CCNY: variants seen among roughly 807,000 people sequenced by gnomAD.
The protein encoded by CCNY is cyclin Y.
In CCNY, 19 loss-of-function variants were observed where a neutral mutation model predicts 42.8. That is an observed-to-expected ratio of 0.44 (90% CI 0.31 to 0.65). CCNY has a LOEUF of 0.65. Among genes scored for constraint, CCNY ranks in the 30% least tolerant of loss-of-function variants. The pLI, the probability that CCNY is intolerant of heterozygous loss-of-function variation, is 0.07. For synonymous variants in CCNY, 165 were observed against 162.7 expected, an observed-to-expected ratio of 1.01 and a Z score of -0.11; for missense variants, 370 against 437.3, an observed-to-expected ratio of 0.85 and a Z score of 1.37.
intron 1 of CCNY, among the ~76,000 whole-genome samples, chr10:35,351,638 T>G (rs1428406894): frequency 6.6e-6 from 1 of 152,254 alleles, no homozygotes; most frequent in Non-Finnish European, 1.5e-5. Context: ...AACAGGGATA[T>G]ATTTCTGAAA....
intron 8 of CCNY, among the ~76,000 whole-genome samples, chr10:35,557,111 A>AT (rs1409620773): frequency 6.6e-6 from 1 of 152,058 alleles, no homozygotes; most frequent in Non-Finnish European, 1.5e-5. Context: ...CTTAATTTGA[A>AT]AATTTTTATC....
intron 1 of CCNY, among the ~76,000 whole-genome samples, chr10:35,350,778 C>T (rs1836413237): frequency 6.6e-6 from 1 of 152,188 alleles, no homozygotes; most frequent in African/African-American, 2.4e-5. Context: ...AGGTGCACTG[C>T]TGCTGGATTG....
chr10:35,281,934 T>G (rs1208672661), intron 3 of CCNY, among the ~76,000 whole-genome samples: 1 of 152,170 alleles, frequency 6.6e-6, no homozygotes, highest in Non-Finnish European at 1.5e-5. Flanking sequence ...TCTGCATATT[T>G]CTTAATCTCA....
At chr10:35,305,891 T>C (rs925492764) in intron 3 of CCNY, among the ~76,000 whole-genome samples, 2 of 152,192 alleles carry the variant, frequency 1.3e-5, no homozygotes, top group African/African-American at 4.8e-5. Context: ...CAGATATGCT[T>C]GGGATCATTA....
At chr10:35,493,003 A>G (rs1301496676) in intron 2 of CCNY, among the ~76,000 whole-genome samples, 2 of 149,518 alleles carry the variant, frequency 1.3e-5, no homozygotes, top group African/African-American at 2.5e-5. Context: ...TGGGGGGGGG[A>G]GGGCAGGTAT....
At chr10:35,538,821 C>T (rs1190992335) in intron 7 of CCNY, among the ~76,000 whole-genome samples, 1 of 152,122 alleles carries the variant, frequency 6.6e-6, no homozygotes, top group Non-Finnish European at 1.5e-5. Context: ...CAATGTATTT[C>T]TTTTGTCACT....
chr10:35,342,551 T>G (rs1836205311), intron 1 of CCNY, among the ~76,000 whole-genome samples: 2 of 152,246 alleles, frequency 1.3e-5, no homozygotes, highest in Non-Finnish European at 2.9e-5. Flanking sequence ...GGGAGTCGTT[T>G]GCTTCCACAC....
intron 1 of CCNY, among the ~76,000 whole-genome samples, chr10:35,338,573 C>T (rs1464760412): frequency 3.9e-5 from 6 of 152,194 alleles, no homozygotes; most frequent in Non-Finnish European, 8.8e-5. Context: ...ATCACTTTCA[C>T]AGCCTCTAGC....
At chr10:35,531,122 C>T (rs1049571896) in intron 7 of CCNY, among the ~76,000 whole-genome samples, 8 of 152,196 alleles carry the variant, frequency 5.3e-5, no homozygotes, top group African/African-American at 1.7e-4. Flanking sequence ...CTATTTAGGT[C>T]AAATCTCACT....
At chr10:35,406,846 G>T (rs1837786648) in intron 1 of CCNY, among the ~76,000 whole-genome samples, 1 of 151,792 alleles carries the variant, frequency 6.6e-6, no homozygotes, top group Non-Finnish European at 1.5e-5. Flanking sequence ...GGGGCGGCTG[G>T]CCGGGCGGGG....
intron 3 of CCNY, among the ~76,000 whole-genome samples, chr10:35,292,505 C>T (rs1022016205): frequency 1.3e-5 from 2 of 152,026 alleles, no homozygotes; most frequent in African/African-American, 2.4e-5. Context: ...GGATTACAGG[C>T]GTGCACTACC....
At chr10:35,356,113 T>G (rs1043979071) in intron 1 of CCNY, among the ~76,000 whole-genome samples, 11 of 152,224 alleles carry the variant, frequency 7.2e-5, no homozygotes, top group Admixed American at 2.6e-4. Flanking sequence ...ACACTCTGGC[T>G]TAGCTGCAAG....
chr10:35,497,566 T>C (rs1466771559), intron 2 of CCNY, among the ~76,000 whole-genome samples: 1 of 151,950 alleles, frequency 6.6e-6, no homozygotes, highest in Non-Finnish European at 1.5e-5. Context: ...GGCAAAACCC[T>C]GTCTCTACTA....
At chr10:35,474,125 G>A (rs1429670409) in intron 1 of CCNY, among the ~76,000 whole-genome samples, 2 of 152,156 alleles carry the variant, frequency 1.3e-5, no homozygotes, top group South Asian at 2.1e-4. Context: ...ATTATATCCC[G>A]CACCTGGCTT....
chr10:35,512,959 A>G (rs1024496084), intron 3 of CCNY, among the ~76,000 whole-genome samples: 5 of 152,142 alleles, frequency 3.3e-5, no homozygotes, highest in Non-Finnish European at 5.9e-5. Flanking sequence ...GTGCATGTAC[A>G]TGTGTGTATC....
intron 1 of CCNY, among the ~76,000 whole-genome samples, chr10:35,449,106 C>G (rs113276864): frequency 6.6e-6 from 1 of 151,796 alleles, no homozygotes; most frequent in Non-Finnish European, 1.5e-5. Context: ...GGGAGCTGAA[C>G]GGGCAGCATG....
intron 7 of CCNY, among the ~76,000 whole-genome samples, chr10:35,539,353 G>C (rs1564450990): frequency 6.6e-6 from 1 of 152,090 alleles, no homozygotes; most frequent in Non-Finnish European, 1.5e-5. Context: ...GATCAGTTTG[G>C]GAAGTATTGC....
At chr10:35,343,742 AT>A (rs1486026701) in intron 1 of CCNY, among the ~76,000 whole-genome samples, 1 of 152,178 alleles carries the variant, frequency 6.6e-6, no homozygotes, top group Non-Finnish European at 1.5e-5. Flanking sequence ...CAAGGATTAA[AT>A]TTATTTCTAT....
chr10:35,567,235 T>C (rs1453015898), intron 9 of CCNY, among the ~76,000 whole-genome samples: 1 of 152,238 alleles, frequency 6.6e-6, no homozygotes, highest in African/African-American at 2.4e-5. Context: ...ATAGCCCAGT[T>C]AGAGCTGAGG....
Sources: gnomAD v4.1 joint callset for allele counts (sites outside exome capture counted in the v4.1 genomes callset) on GRCh38, gnomAD v4.1.1 for gene constraint, MANE v1.5 for transcripts, NCBI Gene and HGNC (gene_info 2026-07-23, HGNC 2026-07-21) for gene names.